The following RLIM variants were observed in gnomAD, a reference collection of about 807,000 sequenced individuals.
RLIM encodes ring finger protein, LIM domain interacting, also known as E3 ubiquitin-protein ligase RLIM.
In RLIM, 2 loss-of-function variants were observed where a neutral mutation model predicts 34.0. That is an observed-to-expected ratio of 0.06 (90% CI 0.02 to 0.19). RLIM has a LOEUF of 0.19. Among genes scored for constraint, RLIM ranks in the 10% least tolerant of loss-of-function variants. The pLI, the probability that RLIM is intolerant of heterozygous loss-of-function variation, is 1.00. For synonymous variants in RLIM, 169 were observed against 164.0 expected, an observed-to-expected ratio of 1.03 and a Z score of -0.23; for missense variants, 286 against 479.7, an observed-to-expected ratio of 0.60 and a Z score of 3.77.
intron 1 of RLIM, among the ~76,000 whole-genome samples, chrX:74,613,656 A>G (rs1405183758): frequency 2.1e-5 from 2 of 96,853 alleles, no homozygotes; most frequent in Non-Finnish European, 4.2e-5. Flanking sequence ...TTTTTTTTTA[A>G]TGGGGGAGGG....
chrX:74,610,465 A>C (rs940840820), intron 1 of RLIM, among the ~76,000 whole-genome samples: 2 of 100,463 alleles, frequency 2.0e-5, no homozygotes, highest in Non-Finnish European at 4.0e-5. Context: ...AAACAAAAAA[A>C]ACCAAAAAAA....
intron 1 of RLIM, among the ~76,000 whole-genome samples, chrX:74,606,694 T>C (rs924867458): frequency 8.9e-6 from 1 of 112,033 alleles, no homozygotes; most frequent in Non-Finnish European, 1.9e-5. Context: ...TTATATTTGA[T>C]GGACACACTA....
At chrX:74,595,661 T>C in intron 2 of RLIM, 148 bp downstream of exon 2, 1 of 387,315 alleles carries the variant, frequency 2.6e-6, no homozygotes, top group East Asian at 4.1e-5. Flanking sequence ...AATCAGGTAA[T>C]AAATACAGCA....
intron 1 of RLIM, among the ~76,000 whole-genome samples, chrX:74,600,166 C>T (rs997732411): frequency 1.8e-5 from 2 of 110,720 alleles, no homozygotes; most frequent in African/African-American, 3.3e-5. Flanking sequence ...ACTGAGATTG[C>T]TTAACTGTAA....
Position 74,583,687 on chromosome X carries a change from G to C in RLIM, c.*7753C>G, listed in dbSNP as rs878922799. Reference sequence around the variant, plus strand: ...TATTCATAGTGCTAAGGTGTATCTGGTAATGCCCAGTGCTTTACTGAATTT... The same window carrying C: ...TATTCATAGTGCTAAGGTGTATCTGCTAATGCCCAGTGCTTTACTGAATTT... On this transcript the variant is annotated 3_prime_UTR_variant, in exon 4 of 4. Transcript: ENST00000332687. 3.1e-5 allele frequency: 11 copies of C among 359,053 alleles called. No individual in the cohort carries two copies. In the Admixed American group the frequency reaches 4.4e-4, roughly 14 times the overall value. 29.6% of individuals were successfully genotyped at this position (359,053 alleles called of 1,213,427 possible).
At chrX:74,611,815 A>T (rs2079712514) in intron 1 of RLIM, among the ~76,000 whole-genome samples, 1 of 111,807 alleles carries the variant, frequency 8.9e-6, no homozygotes, top group South Asian at 3.7e-4. Context: ...ATTATACTTA[A>T]CCTCTTTGGG....
intron 1 of RLIM, among the ~76,000 whole-genome samples, chrX:74,610,581 T>C (rs2079705495): frequency 9.1e-6 from 1 of 109,810 alleles, no homozygotes; most frequent in Non-Finnish European, 1.9e-5. Flanking sequence ...ATTCCCCCAA[T>C]TGAGGTATAT....
chrX:74,593,423 CAG>C (rs2079625590), intron 3 of RLIM, among the ~76,000 whole-genome samples: 1 of 112,363 alleles, frequency 8.9e-6, no homozygotes, highest in Admixed American at 9.4e-5. Flanking sequence ...GGTAAGGAAA[CAG>C]TGTTTAACGA....
At position 74,606,008 on chromosome X, in the gene RLIM, T is replaced by C. The variant is rs992086895; in HGVS notation, c.-24+8414A>G. Reference sequence around the variant, plus strand: ...CCTCCCAACATATCCCAAGACTCTATACTTTAAAACACATTCCTTCCTTCA... The same window carrying C: ...CCTCCCAACATATCCCAAGACTCTACACTTTAAAACACATTCCTTCCTTCA... On this transcript the variant is annotated intron_variant, in intron 1 of 3. Coordinates refer to ENST00000332687, the MANE Select transcript of RLIM (RefSeq NM_016120.4). 1.2e-4 allele frequency among the ~76,000 whole-genome samples: 14 copies of C among 112,006 alleles called. No homozygotes were observed. The South Asian group carries it at 1.5e-3, about 12-fold the overall frequency.
rs1185798942 is a variant in RLIM at position 74,589,484 on chromosome X, G to A, written c.*1956C>T. The A allele has an allele frequency of 8.9e-6, 1 of 111,942 alleles. No individual in the cohort carries two copies. Among genetic ancestry groups the A allele is most frequent in the East Asian group, 2.8e-4 (1 of 3,563 alleles). The allele number at this position is 111,942 out of a possible 1,213,427, so 9.2% of individuals were successfully genotyped here. A position where few individuals can be genotyped will look rare whatever the true frequency, so the allele number is the denominator to read the frequency against. ...AAAAAAATAAGTGAAGCTTTGTTTG[G>A]ACATTATTTCCTTGCAAGAGCAGTA... On this transcript the variant is annotated 3_prime_UTR_variant, in exon 4 of 4. Coordinates refer to ENST00000332687, the MANE Select transcript of RLIM (RefSeq NM_016120.4).
chrX:74,595,913 T>C lies in RLIM; in HGVS notation c.65A>G (p.Gln22Arg). 1 of 1,208,689 alleles carries C rather than the reference T, an allele frequency of 8.3e-7. No individual in the cohort carries two copies. The highest frequency in any genetic ancestry group is 1.1e-6 in the Non-Finnish European group (1 of 892,629). ...GDQSAAQRRSQMDRLDREEAF... is the reference protein window; with the variant it reads ...GDQSAAQRRSRMDRLDREEAF... Reference sequence around the variant, plus strand: ...TTCTTCTCGATCCAATCGGTCCATCTGACTTCTGCGCTGTGCTGCAGACTG... The same window carrying C: ...TTCTTCTCGATCCAATCGGTCCATCCGACTTCTGCGCTGTGCTGCAGACTG... Residue 22 changes from glutamine to arginine, a missense_variant, in exon 2 of 4, where the codon CAG becomes CGG. Physicochemically the swap from Gln to Arg is conservative, Grantham distance 43. Coordinates refer to ENST00000332687, the MANE Select transcript of RLIM (RefSeq NM_016120.4).
At chrX:74,596,673 C>A (rs2079641580) in intron 1 of RLIM, among the ~76,000 whole-genome samples, 1 of 112,397 alleles carries the variant, frequency 8.9e-6, no homozygotes, top group Non-Finnish European at 1.9e-5. Context: ...CGCAGCCATA[C>A]ACATTCATTT....
At chrX:74,609,487 C>CAAAAAAA (rs752008137) in intron 1 of RLIM, among the ~76,000 whole-genome samples, 2 of 32,786 alleles carry the variant, frequency 6.1e-5, no homozygotes, top group Admixed American at 4.1e-4. Flanking sequence ...GACTCCGTTT[C>CAAAAAAA]AAAAAAAAAA....
chrX:74,584,200 G>C lies in RLIM; in HGVS notation c.*7240C>G, dbSNP rs1931289648. Among the ~76,000 whole-genome samples the C allele has an allele frequency of 9.0e-6, 1 of 111,374 alleles. No individual in the cohort carries two copies. ...GAAACAAATTAGAAGTCATATAGTAGTGGGATTAAGAGCACAAGGAAGATG... is the reference window on the plus strand; with the variant it reads ...GAAACAAATTAGAAGTCATATAGTACTGGGATTAAGAGCACAAGGAAGATG... On this transcript the variant is annotated 3_prime_UTR_variant, in exon 4 of 4. Transcript: ENST00000332687.
chrX:74,597,756 T>C (rs2079645708), intron 1 of RLIM, among the ~76,000 whole-genome samples: 1 of 112,220 alleles, frequency 8.9e-6, no homozygotes, highest in South Asian at 3.6e-4. Flanking sequence ...AATGATAAAC[T>C]TCTCTCTTAT....
Position 74,583,526 on chromosome X carries a change from C to T in RLIM, c.*7914G>A, listed in dbSNP as rs999844997. The T allele has an allele frequency of 2.3e-5, 13 of 568,119 alleles. No individual in the cohort carries two copies. The highest frequency in any genetic ancestry group is 3.8e-5 in the Non-Finnish European group (12 of 317,196). 46.8% of individuals were successfully genotyped at this position (568,119 alleles called of 1,213,427 possible). Reference sequence around the variant, plus strand: ...CAGCTGTAGCTGCAAGACGTGGACCCATTGTCTGTGTTGATGAATTCACCA... The same window carrying T: ...CAGCTGTAGCTGCAAGACGTGGACCTATTGTCTGTGTTGATGAATTCACCA... On this transcript the variant is annotated 3_prime_UTR_variant, in exon 4 of 4. Coordinates refer to ENST00000332687, the MANE Select transcript of RLIM (RefSeq NM_016120.4).
At chrX:74,600,081 A>G (rs770506296) in intron 1 of RLIM, among the ~76,000 whole-genome samples, 1 of 110,812 alleles carries the variant, frequency 9.0e-6, no homozygotes, top group East Asian at 2.8e-4. Flanking sequence ...TATCTTGTTT[A>G]ATTAAGATGA....
At position 74,599,879 on chromosome X, in the gene RLIM, T is replaced by C. The variant is rs749814696; in HGVS notation, c.-23-3879A>G. 7.2e-5 allele frequency among the ~76,000 whole-genome samples: 8 copies of C among 111,259 alleles called. No homozygotes were observed. In the South Asian group the frequency reaches 3.0e-3, roughly 42 times the overall value. ...CCCACATACACCCACACACAACACC[T>C]GAAGTGCCGGAATGTTCACAATTCA... On this transcript the variant is annotated intron_variant, in intron 1 of 3. Transcript: ENST00000332687.
intron 2 of RLIM, 115 bp from the exon 3 acceptor site, chrX:74,594,504 A>G: frequency 1.9e-6 from 1 of 522,524 alleles, no homozygotes; most frequent in African/African-American, 2.4e-5. Flanking sequence ...CATATTTTTA[A>G]AAGAGAAAAC....
Sources: gnomAD v4.1 joint callset for allele counts (sites outside exome capture counted in the v4.1 genomes callset) on GRCh38, gnomAD v4.1.1 for gene constraint, MANE v1.5 for transcripts, NCBI Gene and HGNC (gene_info 2026-07-23, HGNC 2026-07-21) for gene names.